The following RANBP2 variants were observed in gnomAD, a reference collection of about 807,000 sequenced individuals.
RANBP2 encodes RAN binding protein 2.
Under a neutral mutation model 303.6 loss-of-function variants are expected in RANBP2, and 57 were observed. That is an observed-to-expected ratio of 0.19 (90% CI 0.15 to 0.23). The LOEUF (loss-of-function observed/expected upper bound fraction) is 0.23. Among genes scored for constraint, RANBP2 ranks in the 10% least tolerant of loss-of-function variants. The pLI, the probability that RANBP2 is intolerant of heterozygous loss-of-function variation, is 1.00. For missense variants in RANBP2, 3,138 were observed against 3,780.8 expected, an observed-to-expected ratio of 0.83 and a Z score of 4.46; for synonymous variants, 1,167 against 1,301.5, an observed-to-expected ratio of 0.90 and a Z score of 2.23.
the RANBP2 span, among the ~76,000 whole-genome samples, chr2:108,854,297 C>G: frequency 6.6e-6 from 1 of 150,984 alleles, no homozygotes; most frequent in African/African-American, 2.4e-5. Context: ...TGGTAGGAAG[C>G]CAGTATAATG....
At chr2:109,409,481 G>T in the RANBP2 span, among the ~76,000 whole-genome samples, 10 of 152,174 alleles carry the variant, frequency 6.6e-5, no homozygotes, top group Non-Finnish European at 8.8e-5. Flanking sequence ...CCAACCTGTG[G>T]GTGAGAATTA....
the RANBP2 span, among the ~76,000 whole-genome samples, chr2:109,273,701 T>G: frequency 2.0e-5 from 3 of 152,096 alleles, no homozygotes; most frequent in African/African-American, 4.8e-5. Context: ...CAGGGACGCA[T>G]GAGATCTATC....
At chr2:109,486,934 GT>G in the RANBP2 span, among the ~76,000 whole-genome samples, 1 of 152,208 alleles carries the variant, frequency 6.6e-6, no homozygotes. Context: ...CGGCTGTTTG[GT>G]TTTCTCCCTG....
chr2:109,132,514 A>G, the RANBP2 span, among the ~76,000 whole-genome samples: 2 of 152,138 alleles, frequency 1.3e-5, no homozygotes, highest in Non-Finnish European at 2.9e-5. Flanking sequence ...TTTGAGATAA[A>G]GCGCTTTTGT....
At chr2:109,431,044 A>G in the RANBP2 span, among the ~76,000 whole-genome samples, 2 of 152,236 alleles carry the variant, frequency 1.3e-5, no homozygotes, top group East Asian at 1.9e-4. Flanking sequence ...AATCTCTACA[A>G]GGTTCTCCTG....
chr2:109,362,891 T>G, the RANBP2 span, among the ~76,000 whole-genome samples: 1 of 152,226 alleles, frequency 6.6e-6, no homozygotes, highest in African/African-American at 2.4e-5. Context: ...GGATATCTTT[T>G]GATTAGTGTT....
At chr2:108,960,505 A>G in the RANBP2 span, among the ~76,000 whole-genome samples, 1 of 152,202 alleles carries the variant, frequency 6.6e-6, no homozygotes. Flanking sequence ...ATGAGGAGCC[A>G]GGGCAGGGTG....
the RANBP2 span, chr2:109,544,305 T>C: frequency 6.3e-7 from 1 of 1,593,800 alleles, no homozygotes; most frequent in East Asian, 2.2e-5. Flanking sequence ...CTGGAACTTC[T>C]GTTTTACAAA....
chr2:109,613,741 A>T, the RANBP2 span: 1 of 1,126,598 alleles, frequency 8.9e-7, no homozygotes, highest in Non-Finnish European at 1.1e-6. Flanking sequence ...CGAGGGCGGG[A>T]AGTCCCGCGG....
At chr2:109,082,815 G>A in the RANBP2 span, among the ~76,000 whole-genome samples, 3 of 145,558 alleles carry the variant, frequency 2.1e-5, no homozygotes, top group East Asian at 4.1e-4. Flanking sequence ...GACATATCAA[G>A]ACCCCATGTC....
chr2:108,823,931 C>T, the RANBP2 span, among the ~76,000 whole-genome samples: 1 of 151,634 alleles, frequency 6.6e-6, no homozygotes, highest in Admixed American at 6.6e-5. Context: ...GAGCCAAGAT[C>T]GCGCCACTGC....
At chr2:109,269,684 C>T in the RANBP2 span, among the ~76,000 whole-genome samples, 1 of 152,120 alleles carries the variant, frequency 6.6e-6, no homozygotes, top group Non-Finnish European at 1.5e-5. Flanking sequence ...GAGGCTGAGG[C>T]ACGAGATTTG....
chr2:108,794,092 CATATAAA>C, the RANBP2 span, among the ~76,000 whole-genome samples: 756 of 152,072 alleles, frequency 5.0e-3, 3 homozygotes, highest in South Asian at 0.021. Context: ...AATATAATTA[CATATAAA>C]ATATAAAAGG....
chr2:108,748,269 G>A (rs1302545799), intron 8 of RANBP2, among the ~76,000 whole-genome samples: 1 of 150,496 alleles, frequency 6.6e-6, no homozygotes, highest in Middle Eastern at 3.2e-3. Context: ...GTGCAGTGGC[G>A]TGATCTCGGC....
chr2:109,604,607 G>A, the RANBP2 span, among the ~76,000 whole-genome samples: 563 of 151,384 alleles, frequency 3.7e-3, 5 homozygotes, highest in African/African-American at 0.013. Flanking sequence ...GGTGCCTGTA[G>A]TCCCAGGTAC....
At chr2:109,139,241 G>A in the RANBP2 span, among the ~76,000 whole-genome samples, 50 of 152,250 alleles carry the variant, frequency 3.3e-4, no homozygotes, top group Admixed American at 2.5e-3. Context: ...GAGAAAATGC[G>A]TGCAGAGCAT....
the RANBP2 span, among the ~76,000 whole-genome samples, chr2:109,551,445 C>T: frequency 8.7e-4 from 132 of 152,240 alleles, no homozygotes; most frequent in East Asian, 6.6e-3. Flanking sequence ...GTACAATATG[C>T]AATCTGTGAT....
the RANBP2 span, among the ~76,000 whole-genome samples, chr2:109,265,785 C>T: frequency 6.6e-6 from 1 of 152,128 alleles, no homozygotes; most frequent in Non-Finnish European, 1.5e-5. Flanking sequence ...CACATAAAAG[C>T]TTTTAATATG....
At chr2:109,628,551 A>G in the RANBP2 span, among the ~76,000 whole-genome samples, 1 of 151,040 alleles carries the variant, frequency 6.6e-6, no homozygotes, top group African/African-American at 2.4e-5. Flanking sequence ...GATTCCCACT[A>G]TTCCCAGTAT....
Sources: gnomAD v4.1 joint callset for allele counts (sites outside exome capture counted in the v4.1 genomes callset) on GRCh38, gnomAD v4.1.1 for gene constraint, MANE v1.5 for transcripts, NCBI Gene and HGNC (gene_info 2026-07-23, HGNC 2026-07-21) for gene names.